The following DPP6 variants were observed in gnomAD, a reference collection of about 807,000 sequenced individuals.
DPP6 encodes the protein dipeptidyl peptidase like 6.
DPP6 carries 69 observed loss-of-function variants against 122.6 expected under a neutral mutation model. That is an observed-to-expected ratio of 0.56 (90% CI 0.46 to 0.69). The LOEUF (loss-of-function observed/expected upper bound fraction) is 0.69, where lower values mean the gene tolerates loss of function less well. Among genes scored for constraint, DPP6 ranks in the 30% least tolerant of loss-of-function variants. DPP6 has a pLI of 0.00. For missense variants in DPP6, 928 were observed against 1,116.9 expected (o/e 0.83, Z 2.41); for synonymous variants, 418 against 433.1 (o/e 0.97, Z 0.43).
intron 1 of DPP6, among the ~76,000 whole-genome samples, chr7:154,179,598 TG>T (rs1220628401): frequency 6.6e-6 from 1 of 152,216 alleles, no homozygotes; most frequent in African/African-American, 2.4e-5. Flanking sequence ...ATACCAATAA[TG>T]GCTGTTGCTT....
At chr7:154,441,749 A>G (rs1819393862) in intron 1 of DPP6, among the ~76,000 whole-genome samples, 1 of 152,204 alleles carries the variant, frequency 6.6e-6, no homozygotes, top group African/African-American at 2.4e-5. Flanking sequence ...CAGTTCATAG[A>G]CATTGTGGTG....
intron 1 of DPP6, among the ~76,000 whole-genome samples, chr7:154,104,863 C>T (rs1168177238): frequency 5.9e-5 from 9 of 151,942 alleles, no homozygotes; most frequent in African/African-American, 2.2e-4. Context: ...TGGCATACCT[C>T]TGTGTGTGTG....
intron 1 of DPP6, among the ~76,000 whole-genome samples, chr7:154,301,943 G>A (rs895978053): frequency 2.6e-5 from 4 of 151,746 alleles, no homozygotes; most frequent in African/African-American, 9.7e-5. Flanking sequence ...TCAGCCTCCC[G>A]AGCAGCTAGG....
chr7:154,359,973 C>T (rs73493294), intron 1 of DPP6, among the ~76,000 whole-genome samples: 2,280 of 152,270 alleles, frequency 0.015, 26 homozygotes, highest in African/African-American at 0.017. Context: ...GATCGAGCTG[C>T]GAGCTGCCGG....
the DPP6 span, among the ~76,000 whole-genome samples, chr7:153,797,724 A>T: frequency 1.3e-5 from 2 of 152,144 alleles, no homozygotes; most frequent in Non-Finnish European, 2.9e-5. Flanking sequence ...CCCAAGATCA[A>T]GGTGCCAGCA....
At position 154,314,891 on chromosome 7, in the gene DPP6, C is replaced by T. The variant is rs921844235; in HGVS notation, c.244-131323C>T. On this transcript the variant is annotated intron_variant, in intron 1 of 25. Coordinates refer to ENST00000377770, the MANE Select transcript of DPP6 (RefSeq NM_130797.4). Reference sequence around the variant, plus strand: ...TAATATGAATGGGTTAACAAATTCTCGCCTGGAGGTCAGTTAAGAAAAGGT... The same window carrying T: ...TAATATGAATGGGTTAACAAATTCTTGCCTGGAGGTCAGTTAAGAAAAGGT... Among the ~76,000 whole-genome samples, 22 of 152,188 alleles carry T rather than the reference C, an allele frequency of 1.4e-4. No individual in the cohort carries two copies. In the East Asian group the frequency reaches 1.5e-3, roughly 11 times the overall value.
rs1834952347 is a variant in DPP6 at position 154,624,673 on chromosome 7, A to G, written c.628-13148A>G. On this transcript the variant is annotated intron_variant, in intron 5 of 25. Transcript: ENST00000377770. The surrounding 1 kb of genome is among the most constrained non-coding windows in gnomAD (Gnocchi z 4.7). ...CTCTGCACACAAACAATAGAAAGCA[A>G]TGGAGCCCTTGTTAGAAACACATAT... is the stretch of plus-strand genomic sequence containing the variant. Among the ~76,000 whole-genome samples the G allele has an allele frequency of 6.6e-6, 1 of 152,070 alleles. No individual in the cohort carries two copies. The highest frequency in any genetic ancestry group is 6.5e-5 in the Admixed American group (1 of 15,280).
chr7:154,051,213 C>G (rs1229128578), upstream of DPP6, among the ~76,000 whole-genome samples: 3 of 122,706 alleles, frequency 2.4e-5, 1 homozygote, highest in Non-Finnish European at 5.4e-5. Context: ...CGCCCTACCT[C>G]CATGTGGAAG....
At chr7:153,853,736 A>G in the DPP6 span, among the ~76,000 whole-genome samples, 1 of 152,206 alleles carries the variant, frequency 6.6e-6, no homozygotes, top group Non-Finnish European at 1.5e-5. Context: ...CAACTTAACA[A>G]GAAAACATTG....
chr7:153,802,047 G>A, the DPP6 span, among the ~76,000 whole-genome samples: 10 of 152,346 alleles, frequency 6.6e-5, no homozygotes, highest in African/African-American at 2.4e-4. Flanking sequence ...CCTGAGATCA[G>A]ATGGTTATGT....
At chr7:154,623,633 G>A (rs1031957184) in intron 5 of DPP6, among the ~76,000 whole-genome samples, 3 of 143,568 alleles carry the variant, frequency 2.1e-5, no homozygotes, top group Non-Finnish European at 3.0e-5. Flanking sequence ...GCACACATGC[G>A]TGCACACACG....
At chr7:154,371,378 C>CAAAAAAAAAAAAAAAAAAAAA (rs1167770083) in intron 1 of DPP6, among the ~76,000 whole-genome samples, 9 of 47,712 alleles carry the variant, frequency 1.9e-4, no homozygotes, top group Admixed American at 3.3e-4. Context: ...AACTCTGTCT[C>CAAAAAAAAAAAAAAAAAAAAA]AAAAAAAAAA....
intron 1 of DPP6, among the ~76,000 whole-genome samples, chr7:154,278,602 C>T (rs1266932961): frequency 6.6e-6 from 1 of 152,190 alleles, no homozygotes; most frequent in Non-Finnish European, 1.5e-5. Flanking sequence ...AACAGTTGTT[C>T]TAGAACTTAC....
chr7:153,987,756 T>C (rs1052595810), intron 1 of DPP6, among the ~76,000 whole-genome samples: 2 of 152,092 alleles, frequency 1.3e-5, no homozygotes, highest in African/African-American at 4.8e-5. Flanking sequence ...CTTGGTACCA[T>C]TGATTTGTTG....
intron 1 of DPP6, among the ~76,000 whole-genome samples, chr7:154,398,409 C>G (rs1815278383): frequency 6.6e-6 from 1 of 152,176 alleles, no homozygotes; most frequent in Non-Finnish European, 1.5e-5. Context: ...CTTTGAGATT[C>G]ATTTGTAGGT....
At chr7:154,281,225 C>T (rs549670545) in intron 1 of DPP6, among the ~76,000 whole-genome samples, 6 of 152,020 alleles carry the variant, frequency 3.9e-5, no homozygotes, top group South Asian at 2.1e-4. Context: ...GTTGGCCAGG[C>T]GGCTCTTAAA....
rs557054664 is a variant in DPP6 at position 154,590,436 on chromosome 7, G to A, written c.627+23520G>A. ...CTCTCAGTATTGTAACATTTAATGC[G>A]TTCTCAGCAGCGGGTAGGTCCGTGT... On this transcript the variant is annotated intron_variant, in intron 5 of 25. Transcript: ENST00000377770. 6.6e-5 allele frequency among the ~76,000 whole-genome samples: 10 copies of A among 150,860 alleles called. No individual in the cohort carries two copies. The South Asian group carries it at 1.5e-3, about 22-fold the overall frequency.
upstream of DPP6, among the ~76,000 whole-genome samples, chr7:153,885,121 G>A (rs901922835): frequency 2.3e-5 from 3 of 128,320 alleles, no homozygotes; most frequent in Non-Finnish European, 5.0e-5. Context: ...TGGTGGGAAA[G>A]AGAGGGAGGA....
the DPP6 span, among the ~76,000 whole-genome samples, chr7:153,808,600 TTCTAC>T: frequency 4.9e-4 from 74 of 152,102 alleles, no homozygotes; most frequent in Non-Finnish European, 8.1e-4. Context: ...TCAACTACTG[TTCTAC>T]TCTATTTCTA....
Sources: gnomAD v4.1 joint callset for allele counts (sites outside exome capture counted in the v4.1 genomes callset) on GRCh38, gnomAD v4.1.1 for gene constraint, Gnocchi (gnomAD v3.1) non-coding constraint, MANE v1.5 for transcripts, NCBI Gene and HGNC (gene_info 2026-07-23, HGNC 2026-07-21) for gene names.